MOB3B: variants seen among roughly 807,000 people sequenced by gnomAD.
MOB3B encodes MOB kinase activator 3B.
MOB3B carries 7 observed loss-of-function variants against 18.7 expected under a neutral mutation model. That is an observed-to-expected ratio of 0.37 (90% CI 0.21 to 0.70). MOB3B has a LOEUF of 0.70. MOB3B is among the 30% of genes least tolerant of loss of function. The pLI is 0.52. For missense variants in MOB3B, 253 were observed against 281.3 expected (o/e 0.90, Z 0.72); for synonymous variants, 111 against 99.9 (o/e 1.11, Z -0.66).
intron 1 of MOB3B, among the ~76,000 whole-genome samples, chr9:27,474,568 C>T (rs1054314121): frequency 6.6e-6 from 1 of 152,196 alleles, no homozygotes; most frequent in Non-Finnish European, 1.5e-5. Context: ...CATGTGCCTG[C>T]TGATTAGAAC....
chr9:27,511,878 G>A (rs1820151789), intron 1 of MOB3B, among the ~76,000 whole-genome samples: 1 of 152,116 alleles, frequency 6.6e-6, no homozygotes, highest in Non-Finnish European at 1.5e-5. Context: ...TCAGAGATGG[G>A]CTAACTGTTC....
intron 2 of MOB3B, among the ~76,000 whole-genome samples, chr9:27,380,106 G>A (rs1421452121): frequency 1.3e-5 from 2 of 152,134 alleles, no homozygotes; most frequent in Middle Eastern, 3.2e-3. Flanking sequence ...TATCTTGCAA[G>A]TTGTGTCTAA....
chr9:27,429,600 T>C (rs1822388149), intron 2 of MOB3B, among the ~76,000 whole-genome samples: 1 of 152,166 alleles, frequency 6.6e-6, no homozygotes, highest in South Asian at 2.1e-4. Flanking sequence ...CTTAGTTCAC[T>C]GTGTCAGTTA....
At chr9:27,372,338 AC>A (rs1821435473) in intron 2 of MOB3B, among the ~76,000 whole-genome samples, 1 of 152,262 alleles carries the variant, frequency 6.6e-6, no homozygotes, top group South Asian at 2.1e-4. Context: ...CTGTGAGTTC[AC>A]ACTGATATAA....
At chr9:27,528,312 C>T (rs1384494498) in intron 1 of MOB3B, among the ~76,000 whole-genome samples, 1 of 152,252 alleles carries the variant, frequency 6.6e-6, no homozygotes, top group African/African-American at 2.4e-5. Context: ...CGGCCCAGCC[C>T]CAACGCCTTT....
At chr9:27,383,657 T>C (rs148896493) in intron 2 of MOB3B, among the ~76,000 whole-genome samples, 5 of 152,316 alleles carry the variant, frequency 3.3e-5, no homozygotes, top group African/African-American at 1.2e-4. Flanking sequence ...TCCCTTTAAA[T>C]CAGGACAGAG....
intron 1 of MOB3B, among the ~76,000 whole-genome samples, chr9:27,482,806 T>C (rs1819680767): frequency 6.6e-6 from 1 of 152,268 alleles, no homozygotes; most frequent in East Asian, 1.9e-4. Flanking sequence ...TCTGCAAAAA[T>C]TTGTGTAATG....
In MOB3B at chr9:27,328,196, G is replaced by C. The variant is rs1474721654; in HGVS notation, c.*2391C>G. The C allele has an allele frequency of 6.6e-6, 1 of 151,780 alleles. No individual in the cohort carries two copies. Among genetic ancestry groups the C allele is most frequent in the Non-Finnish European group, 1.5e-5 (1 of 67,770 alleles). The allele number at this position is 151,780 out of a possible 1,614,324, so 9.4% of individuals were successfully genotyped here. On this transcript the variant is annotated 3_prime_UTR_variant, in exon 4 of 4. Transcript: ENST00000262244. ...AAAATTTCCCAAAATTAAAATGAAAGCAGAAAAAGAAGGAGAGTAGGACAG... is the reference window on the plus strand; with the variant it reads ...AAAATTTCCCAAAATTAAAATGAAACCAGAAAAAGAAGGAGAGTAGGACAG...
chr9:27,378,803 A>G (rs1487087834), intron 2 of MOB3B: 1 of 395,526 alleles, frequency 2.5e-6, no homozygotes, highest in African/African-American at 2.1e-5. Flanking sequence ...CTGGAAGGAT[A>G]GGGCTCAAAT....
chr9:27,420,108 C>T (rs1266269605), intron 2 of MOB3B, among the ~76,000 whole-genome samples: 1 of 152,068 alleles, frequency 6.6e-6, no homozygotes, highest in African/African-American at 2.4e-5. Context: ...CAATGCAATA[C>T]CACCTTACTC....
At chr9:27,412,181 G>GAA (rs113122156) in intron 2 of MOB3B, among the ~76,000 whole-genome samples, 22 of 132,002 alleles carry the variant, frequency 1.7e-4, no homozygotes, top group East Asian at 1.3e-3. Context: ...CCCTTATGAC[G>GAA]AAAAAAAAAA....
At chr9:27,350,333 A>T (rs1337774918) in intron 3 of MOB3B, among the ~76,000 whole-genome samples, 2 of 151,652 alleles carry the variant, frequency 1.3e-5, no homozygotes, top group Non-Finnish European at 2.9e-5. Flanking sequence ...TGGACATATG[A>T]TTAGTGATTT....
chr9:27,342,826 C>A (rs1820969645), intron 3 of MOB3B, among the ~76,000 whole-genome samples: 1 of 151,492 alleles, frequency 6.6e-6, no homozygotes, highest in Non-Finnish European at 1.5e-5. Context: ...CAACCTCCAC[C>A]TCCCAGCCGC....
At chr9:27,351,518 A>G (rs956228042) in intron 3 of MOB3B, among the ~76,000 whole-genome samples, 1 of 152,274 alleles carries the variant, frequency 6.6e-6, no homozygotes, top group Admixed American at 6.5e-5. Context: ...TCTTTCTTCT[A>G]TAATGGCTGA....
chr9:27,403,926 T>G (rs1821925251), intron 2 of MOB3B, among the ~76,000 whole-genome samples: 1 of 152,228 alleles, frequency 6.6e-6, no homozygotes, highest in South Asian at 2.1e-4. Context: ...ATCATTTCTG[T>G]TGTGTTAAGA....
At chr9:27,471,923 G>C (rs1047551967) in intron 1 of MOB3B, among the ~76,000 whole-genome samples, 1 of 152,124 alleles carries the variant, frequency 6.6e-6, no homozygotes, top group Non-Finnish European at 1.5e-5. Flanking sequence ...GGTTAGCAGC[G>C]GGTCTGGCAC....
At chr9:27,434,186 A>T (rs1477743550) in intron 2 of MOB3B, among the ~76,000 whole-genome samples, 1 of 152,146 alleles carries the variant, frequency 6.6e-6, no homozygotes, top group African/African-American at 2.4e-5. Context: ...ATGCTGCCTT[A>T]CAAGTGTTTT....
chr9:27,368,446 T>C (rs1821368944), intron 2 of MOB3B, among the ~76,000 whole-genome samples: 1 of 152,002 alleles, frequency 6.6e-6, no homozygotes, highest in South Asian at 2.1e-4. Context: ...AAAATTCAGC[T>C]GCGAGGATTG....
chr9:27,377,734 A>G (rs1204245863), intron 2 of MOB3B, among the ~76,000 whole-genome samples: 1 of 152,248 alleles, frequency 6.6e-6, no homozygotes, highest in Non-Finnish European at 1.5e-5. Context: ...ACCTATAAAA[A>G]GTTTTAAAAA....
Sources: gnomAD v4.1 joint callset for allele counts (sites outside exome capture counted in the v4.1 genomes callset) on GRCh38, gnomAD v4.1.1 for gene constraint, MANE v1.5 for transcripts, NCBI Gene and HGNC (gene_info 2026-07-23, HGNC 2026-07-21) for gene names.